HAPLN1: variants seen among roughly 807,000 people sequenced by gnomAD.
HAPLN1 encodes the protein Cartilage link protein.
Under a neutral mutation model 36.5 loss-of-function variants are expected in HAPLN1, and 13 were observed. The observed-to-expected ratio is 0.36, with a 90% confidence interval of 0.23 to 0.57. The LOEUF (loss-of-function observed/expected upper bound fraction) is 0.57. Among genes scored for constraint, HAPLN1 ranks in the 20% least tolerant of loss-of-function variants. HAPLN1 has a pLI of 0.83. For missense variants in HAPLN1, 407 were observed against 439.7 expected (o/e 0.93, Z 0.66); for synonymous variants, 202 against 169.8 (o/e 1.19, Z -1.48).
intron 1 of HAPLN1, among the ~76,000 whole-genome samples, chr5:83,693,395 T>C (rs1751323506): frequency 6.6e-6 from 1 of 151,700 alleles, no homozygotes; most frequent in African/African-American, 2.4e-5. Flanking sequence ...TCAAATTATT[T>C]CAAAAGAAGA....
At chr5:83,671,952 G>T (rs1445502075) in intron 2 of HAPLN1, among the ~76,000 whole-genome samples, 1 of 152,170 alleles carries the variant, frequency 6.6e-6, no homozygotes, top group Non-Finnish European at 1.5e-5. Context: ...TTCAACAGAG[G>T]AGATGGGAAT....
At chr5:83,676,569 G>T (rs1750866009) in intron 1 of HAPLN1, among the ~76,000 whole-genome samples, 1 of 152,196 alleles carries the variant, frequency 6.6e-6, no homozygotes, top group Non-Finnish European at 1.5e-5. Flanking sequence ...GGGTCTAAGT[G>T]CTGGTCCCAG....
intron 1 of HAPLN1, among the ~76,000 whole-genome samples, chr5:83,694,147 G>A (rs1173695224): frequency 6.6e-6 from 1 of 151,676 alleles, no homozygotes; most frequent in East Asian, 1.9e-4. Context: ...AAAGATATGT[G>A]GAATACTTCT....
At chr5:83,667,142 G>A (rs891300792) in intron 2 of HAPLN1, among the ~76,000 whole-genome samples, 1 of 152,098 alleles carries the variant, frequency 6.6e-6, no homozygotes, top group African/African-American at 2.4e-5. Flanking sequence ...GAATAAATAA[G>A]TTGTCTATAG....
At position 83,644,458 on chromosome 5, in the gene HAPLN1, C is replaced by T; in HGVS notation, c.680G>A (p.Gly227Glu). 5 of 1,613,306 alleles carry T rather than the reference C, an allele frequency of 3.1e-6. No homozygotes were observed. The highest frequency in any genetic ancestry group is 4.2e-6 in the Non-Finnish European group (5 of 1,179,648). ...YPITKPREPC[G>E]GQNTVPGVRN... ...GACTCCGGGCACTGTGTTCTGCCCC[C>T]CACAGGGCTCTCTGGGCTTTGTGAT... is the stretch of plus-strand genomic sequence containing the variant. Residue 227 changes from glycine to glutamate, a missense_variant, in exon 4 of 5, where the codon GGG becomes GAG. Transcript: ENST00000274341.
intron 4 of HAPLN1, among the ~76,000 whole-genome samples, chr5:83,643,353 T>TAAAA (rs79459806): frequency 4.5e-5 from 5 of 111,870 alleles, no homozygotes; most frequent in African/African-American, 1.4e-4. Flanking sequence ...TACCCTGTCT[T>TAAAA]AAAAAAAAAA....
chr5:83,650,913 C>G (rs966106108), intron 3 of HAPLN1, among the ~76,000 whole-genome samples: 2 of 152,070 alleles, frequency 1.3e-5, no homozygotes, highest in African/African-American at 2.4e-5. Context: ...TTCAGCATCT[C>G]TAATTGTGTC....
Position 83,652,606 on chromosome 5 carries a change from C to A in HAPLN1, c.319G>T (p.Gly107Cys), listed in dbSNP as rs139457628. Residue 107 changes from glycine to cysteine, a missense_variant, in exon 3 of 5, where the codon GGC becomes TGC. Coordinates refer to ENST00000274341, the MANE Select transcript of HAPLN1 (RefSeq NM_001884.4). ...TTCAGAAACACTCTACCCTGGTAGC[C>A]TCCATAGGTTTTTTTGTGGTATCCC... ...SMGYHKKTYG[G>C]YQGRVFLKGG... The A allele has an allele frequency of 6.2e-7, 1 of 1,614,164 alleles. No homozygotes were observed. Among genetic ancestry groups the A allele is most frequent in the Admixed American group, 1.7e-5 (1 of 60,030 alleles).
intron 1 of HAPLN1, among the ~76,000 whole-genome samples, chr5:83,691,321 C>T (rs905053571): frequency 2.6e-5 from 4 of 151,820 alleles, no homozygotes; most frequent in African/African-American, 9.7e-5. Flanking sequence ...AGAGTTTTCT[C>T]CTAGAATATT....
intron 2 of HAPLN1, among the ~76,000 whole-genome samples, chr5:83,657,090 T>C (rs1750238874): frequency 6.6e-6 from 1 of 151,700 alleles, no homozygotes; most frequent in Non-Finnish European, 1.5e-5. Flanking sequence ...TGTGTGTTTT[T>C]GGTTTTCTTT....
At chr5:83,691,574 G>A (rs1250221118) in intron 1 of HAPLN1, among the ~76,000 whole-genome samples, 1 of 151,964 alleles carries the variant, frequency 6.6e-6, no homozygotes, top group Non-Finnish European at 1.5e-5. Flanking sequence ...ATTTAAAAGA[G>A]TGACCTGAAA....
chr5:83,684,002 G>A (rs903313291), intron 1 of HAPLN1, among the ~76,000 whole-genome samples: 4 of 152,012 alleles, frequency 2.6e-5, no homozygotes, highest in African/African-American at 9.7e-5. Flanking sequence ...GAGGAGGAGG[G>A]GGCAGAAGGA....
At chr5:83,693,064 A>G (rs1179974722) in intron 1 of HAPLN1, among the ~76,000 whole-genome samples, 1 of 151,872 alleles carries the variant, frequency 6.6e-6, no homozygotes, top group Non-Finnish European at 1.5e-5. Flanking sequence ...TAGGCACAGT[A>G]AGAAATTAAC....
chr5:83,653,872 G>A (rs1260581332), intron 2 of HAPLN1, among the ~76,000 whole-genome samples: 2 of 152,260 alleles, frequency 1.3e-5, no homozygotes, highest in African/African-American at 4.8e-5. Context: ...TCTTGAGGAT[G>A]TGCAAGATAT....
intron 2 of HAPLN1, among the ~76,000 whole-genome samples, chr5:83,663,105 T>C (rs1193593909): frequency 1.3e-5 from 2 of 152,082 alleles, no homozygotes; most frequent in Non-Finnish European, 2.9e-5. Context: ...ATGATGAGGA[T>C]GATAAAGAGT....
chr5:83,691,678 G>A (rs553546133), intron 1 of HAPLN1, among the ~76,000 whole-genome samples: 1 of 151,878 alleles, frequency 6.6e-6, no homozygotes, highest in South Asian at 2.1e-4. Context: ...AATTAAACAA[G>A]GTAAAATTTA....
chr5:83,653,858 T>C (rs1411365453), intron 2 of HAPLN1, among the ~76,000 whole-genome samples: 1 of 152,238 alleles, frequency 6.6e-6, no homozygotes, highest in East Asian at 1.9e-4. Context: ...ACCTTGACAG[T>C]GTCTCTTGAG....
At chr5:83,673,852 G>A in intron 1 of HAPLN1, 1 of 250,454 alleles carries the variant, frequency 4.0e-6, no homozygotes, top group South Asian at 5.9e-5. Flanking sequence ...AAAGAGATGT[G>A]GCAAAAACAT....
At chr5:83,685,360 T>C (rs768388361) in intron 1 of HAPLN1, among the ~76,000 whole-genome samples, 3 of 152,162 alleles carry the variant, frequency 2.0e-5, no homozygotes, top group Non-Finnish European at 2.9e-5. Flanking sequence ...CCTCCAGAAT[T>C]GCACAGTATA....
Sources: allele counts gnomAD v4.1 joint callset (sites outside exome capture counted in the v4.1 genomes callset), GRCh38; gene constraint gnomAD v4.1.1; transcripts MANE v1.5; gene names NCBI Gene and HGNC (gene_info 2026-07-23, HGNC 2026-07-21).